Variants in DIP2B observed in about 807,000 individuals in gnomAD.
The protein encoded by DIP2B is DIP2 acetate--CoA ligase B (putative).
DIP2B carries 76 observed loss-of-function variants against 198.0 expected under a neutral mutation model. The ratio of observed to expected loss-of-function variants is 0.38; its 90% confidence interval spans 0.32 to 0.46. The LOEUF (loss-of-function observed/expected upper bound fraction) is 0.46, where lower values mean the gene tolerates loss of function less well. DIP2B is among the 20% of genes least tolerant of loss of function. The pLI is 0.99. For missense variants in DIP2B, 1,559 were observed against 1,978.4 expected (o/e 0.79, Z 4.02); for synonymous variants, 701 against 739.1 (o/e 0.95, Z 0.84).
At chr12:50,710,139 A>G (rs1212624661) in intron 22 of DIP2B, among the ~76,000 whole-genome samples, 1 of 152,194 alleles carries the variant, frequency 6.6e-6, no homozygotes. Flanking sequence ...ACTGTAATAT[A>G]AGGCAAGGCC....
chr12:50,736,940 C>A, intron 34 of DIP2B, 96 bp from the exon 35 acceptor site: 1 of 1,202,636 alleles, frequency 8.3e-7, no homozygotes, highest in Non-Finnish European at 1.2e-6. Context: ...CCATGTGTGC[C>A]TCTCTCACCT....
chr12:50,532,479 A>G (rs904858795), intron 1 of DIP2B, among the ~76,000 whole-genome samples: 4 of 152,282 alleles, frequency 2.6e-5, no homozygotes, highest in South Asian at 2.1e-4. Context: ...GCACCACAGC[A>G]CTCCAGCCTG....
At chr12:50,551,365 G>A (rs183779852) in intron 1 of DIP2B, among the ~76,000 whole-genome samples, 14 of 152,316 alleles carry the variant, frequency 9.2e-5, no homozygotes, top group African/African-American at 2.9e-4. Context: ...AGAGGTTGCA[G>A]TGAGCCAAGA....
intron 6 of DIP2B, 67 bp from the exon 7 acceptor site, chr12:50,675,262 G>C: frequency 6.4e-7 from 1 of 1,569,322 alleles, no homozygotes; most frequent in African/African-American, 1.4e-5. Context: ...AAGCTCCTGA[G>C]GGAACTGAGG....
intron 1 of DIP2B, among the ~76,000 whole-genome samples, chr12:50,509,220 CTTCT>C (rs1027496561): frequency 2.6e-5 from 4 of 152,142 alleles, no homozygotes; most frequent in African/African-American, 9.7e-5. Flanking sequence ...CAGAGGCTGC[CTTCT>C]AAGAAAAGAG....
At chr12:50,660,574 C>G (rs1938628216) in intron 4 of DIP2B, among the ~76,000 whole-genome samples, 1 of 149,572 alleles carries the variant, frequency 6.7e-6, no homozygotes, top group Admixed American at 6.6e-5. Flanking sequence ...TTTTTTTTGG[C>G]TGTAATCCCC....
intron 1 of DIP2B, among the ~76,000 whole-genome samples, chr12:50,615,372 A>C (rs1032321587): frequency 1.3e-5 from 2 of 152,106 alleles, no homozygotes; most frequent in African/African-American, 4.8e-5. Flanking sequence ...ATGCATTTTA[A>C]CTGATCTCTG....
intron 1 of DIP2B, among the ~76,000 whole-genome samples, chr12:50,609,205 CA>C (rs1482920047): frequency 1.3e-4 from 20 of 152,114 alleles, no homozygotes; most frequent in Non-Finnish European, 2.4e-4. Flanking sequence ...GTATCTTCTA[CA>C]TAAGAGTTAA....
chr12:50,651,090 G>GA (rs1938444250), intron 3 of DIP2B, among the ~76,000 whole-genome samples: 1 of 152,152 alleles, frequency 6.6e-6, no homozygotes, highest in African/African-American at 2.4e-5. Flanking sequence ...TGAAGAAAGT[G>GA]ATGTTGAGCA....
chr12:50,505,023 G>GGCGGCT lies in DIP2B; in HGVS notation c.-117_-116insCGGCTG, dbSNP rs1957953075. 2 of 1,050,144 alleles carry GGCGGCT rather than the reference G, an allele frequency of 1.9e-6. No individual in the cohort carries two copies. The allele number at this position is 1,050,144 out of a possible 1,614,324, so 65.1% of individuals were successfully genotyped here. ...TCATGGCGGCGGCGGCGGCGGCGGC[G>GGCGGCT]GTGCTGGTGGTGCTCGGCGGCCGGA... On this transcript the variant is annotated 5_prime_UTR_variant, in exon 1 of 38. Transcript: ENST00000301180.
Position 50,705,442 on chromosome 12 carries a change from A to G in DIP2B, c.2407-1096A>G, listed in dbSNP as rs918926295. Among the ~76,000 whole-genome samples the G allele has an allele frequency of 3.9e-5, 6 of 152,280 alleles. No individual in the cohort carries two copies. The South Asian group carries it at 1.2e-3, about 32-fold the overall frequency. Reference sequence around the variant, plus strand: ...TCCAAAATGGAGCTCCAAGCCTTTCATCTGTATTCCAAGAAACAGGGAAAG... The same window carrying G: ...TCCAAAATGGAGCTCCAAGCCTTTCGTCTGTATTCCAAGAAACAGGGAAAG... On this transcript the variant is annotated intron_variant, in intron 20 of 37. Transcript: ENST00000301180.
chr12:50,640,845 T>C lies in DIP2B; in HGVS notation c.294T>C (p.Tyr98=). ...TRSGGARDER[Y]RSDIHTEAVQ... is the part of the protein sequence containing the mutation. ...CTGGGGGAGCCAGGGATGAACGATA[T>C]CGATCAGGTGAGGAGAAGCTGCAGA... The change falls in exon 3 of 38, where the codon TAT becomes TAC. Residue 98 remains tyrosine, a synonymous_variant. Transcript: ENST00000301180. 7.4e-6 allele frequency: 12 copies of C among 1,613,630 alleles called. No homozygotes were observed. Among genetic ancestry groups the C allele is most frequent in the Non-Finnish European group, 1.0e-5 (12 of 1,179,728 alleles).
intron 5 of DIP2B, among the ~76,000 whole-genome samples, chr12:50,672,789 G>C (rs1475191481): frequency 1.3e-5 from 2 of 152,126 alleles, no homozygotes. Context: ...TATTCTTCTA[G>C]ATTTTACTTA....
At chr12:50,575,757 G>T (rs1958654251) in intron 1 of DIP2B, among the ~76,000 whole-genome samples, 1 of 151,402 alleles carries the variant, frequency 6.6e-6, no homozygotes, top group Non-Finnish European at 1.5e-5. Context: ...CAGGGACCTG[G>T]CAGCCAATAT....
chr12:50,647,076 G>A (rs1418242641), intron 3 of DIP2B, among the ~76,000 whole-genome samples: 3 of 150,908 alleles, frequency 2.0e-5, no homozygotes, highest in African/African-American at 4.9e-5. Flanking sequence ...GGGGGACGCT[G>A]TGGTCCCGCT....
At chr12:50,653,291 A>G (rs1261385067) in intron 3 of DIP2B, among the ~76,000 whole-genome samples, 3 of 117,976 alleles carry the variant, frequency 2.5e-5, no homozygotes, top group Non-Finnish European at 5.6e-5. Context: ...AGATTATCCA[A>G]TTTTTGCCAG....
chr12:50,745,818 A>G lies in DIP2B; in HGVS notation c.*979A>G, dbSNP rs905919914. 1 of 152,340 alleles carries G rather than the reference A, an allele frequency of 6.6e-6. No homozygotes were observed. Among genetic ancestry groups the G allele is most frequent in the Non-Finnish European group, 1.5e-5 (1 of 68,048 alleles). The allele number at this position is 152,340 out of a possible 1,614,324, so 9.4% of individuals were successfully genotyped here. On this transcript the variant is annotated 3_prime_UTR_variant, in exon 38 of 38. Coordinates refer to ENST00000301180, the MANE Select transcript of DIP2B (RefSeq NM_173602.3). ...ACGATCTTTCAGATTTAGAGTGACT[A>G]TGTAAGAATTTAGGATTTCCTCTTT...
intron 19 of DIP2B, among the ~76,000 whole-genome samples, chr12:50,701,428 G>C (rs1592134157): frequency 6.6e-6 from 1 of 152,148 alleles, no homozygotes; most frequent in South Asian, 2.1e-4. Flanking sequence ...TGTCGCCCAG[G>C]CGGAGTGCAG....
At chr12:50,741,868 T>C (rs1360678061) in intron 37 of DIP2B, among the ~76,000 whole-genome samples, 1 of 152,232 alleles carries the variant, frequency 6.6e-6, no homozygotes, top group African/African-American at 2.4e-5. Flanking sequence ...CAGCATAATA[T>C]GGTGGAAAGA....
Sources: allele counts gnomAD v4.1 joint callset (sites outside exome capture counted in the v4.1 genomes callset), GRCh38; gene constraint gnomAD v4.1.1; transcripts MANE v1.5; gene names NCBI Gene and HGNC (gene_info 2026-07-23, HGNC 2026-07-21).